TSNARE1: variants seen among roughly 807,000 people sequenced by gnomAD.
TSNARE1 encodes t-SNARE domain containing 1, also known as t-SNARE domain-containing protein 1.
A neutral mutation model predicts 62.0 loss-of-function variants in TSNARE1; 49 were observed. The ratio of observed to expected loss-of-function variants is 0.79; its 90% CI spans 0.63 to 1.00. TSNARE1 has a LOEUF of 1.00. TSNARE1 is among the 50% of genes least tolerant of loss of function. The pLI is 0.00. For missense variants in TSNARE1, 755 were observed against 700.1 expected, an observed-to-expected ratio of 1.08 and a Z score of -0.88; for synonymous variants, 328 against 294.4, an observed-to-expected ratio of 1.11 and a Z score of -1.17.
At position 142,220,285 on chromosome 8, in the gene TSNARE1, C is replaced by T. The variant is rs115210653; in HGVS notation, c.*12-7972G>A. 9.4e-3 allele frequency among the ~76,000 whole-genome samples: 1,428 copies of T among 152,260 alleles called. 22 individuals carry two copies. Among genetic ancestry groups the T allele is most frequent in the African/African-American group, 0.032 (1,323 of 41,546 alleles). Reference sequence around the variant, plus strand: ...AAACTGAGGCTCAGAGAGGGGAAGCCCCATGCAGAGGCCCCACGGTGAGGA... The same window carrying T: ...AAACTGAGGCTCAGAGAGGGGAAGCTCCATGCAGAGGCCCCACGGTGAGGA... On this transcript the variant is annotated intron_variant, in intron 13 of 13. Coordinates refer to ENST00000524325, the MANE Select transcript of TSNARE1 (RefSeq NM_145003.5).
chr8:142,318,511 C>A, intron 7 of TSNARE1, 33 bp downstream of exon 7: 2 of 1,598,382 alleles, frequency 1.3e-6, no homozygotes, highest in South Asian at 1.1e-5. Flanking sequence ...CCATTCCTCT[C>A]CTCCCTCCCA....
chr8:142,315,153 C>T, intron 7 of TSNARE1, 61 bp from the exon 8 acceptor site: 2 of 1,538,732 alleles, frequency 1.3e-6, no homozygotes. Context: ...GCAGCCCCCA[C>T]CACCCACACC....
At chr8:142,360,739 C>T (rs1835092780) in intron 1 of TSNARE1, among the ~76,000 whole-genome samples, 1 of 152,136 alleles carries the variant, frequency 6.6e-6, no homozygotes, top group South Asian at 2.1e-4. Flanking sequence ...CGTGCCACCA[C>T]CCTGGCAACT....
intron 10 of TSNARE1, among the ~76,000 whole-genome samples, chr8:142,287,837 G>C (rs541490284): frequency 6.7e-6 from 1 of 150,232 alleles, no homozygotes; most frequent in Non-Finnish European, 1.5e-5. Context: ...CCAGATCTCA[G>C]GGACAGTGGG....
intron 1 of TSNARE1, among the ~76,000 whole-genome samples, chr8:142,363,117 T>C (rs1416467954): frequency 6.6e-6 from 1 of 152,068 alleles, no homozygotes; most frequent in African/African-American, 2.4e-5. Context: ...TTCTGTCATC[T>C]CCCCACGTGG....
intron 12 of TSNARE1, chr8:142,269,541 C>G (rs1468682536): frequency 1.0e-6 from 1 of 983,358 alleles, no homozygotes; most frequent in Non-Finnish European, 1.2e-6. Flanking sequence ...GCTGTCCAGG[C>G]TGGTCTCGAA....
At chr8:142,334,276 C>G (rs915324342) in intron 4 of TSNARE1, among the ~76,000 whole-genome samples, 1 of 152,248 alleles carries the variant, frequency 6.6e-6, no homozygotes, top group African/African-American at 2.4e-5. Context: ...TCTGAGCCTA[C>G]TCTGGTTCGG....
intron 11 of TSNARE1, among the ~76,000 whole-genome samples, chr8:142,282,926 G>A (rs1821870063): frequency 6.7e-6 from 1 of 148,514 alleles, no homozygotes; most frequent in African/African-American, 2.5e-5. Flanking sequence ...AATGAGCGGA[G>A]GTGGGGCCAC....
intron 7 of TSNARE1, 72 bp from the exon 8 acceptor site, chr8:142,315,164 T>C: frequency 6.7e-7 from 1 of 1,484,434 alleles, no homozygotes; most frequent in African/African-American, 1.4e-5. Flanking sequence ...CACCCACACC[T>C]CCTCCCGTAC....
At chr8:142,328,214 C>G (rs911776975) in intron 6 of TSNARE1, among the ~76,000 whole-genome samples, 2 of 151,710 alleles carry the variant, frequency 1.3e-5, no homozygotes, top group African/African-American at 2.4e-5. Context: ...ATACTAATAA[C>G]TCTTTGTTAA....
In TSNARE1 at chr8:142,344,062, G is replaced by T. The variant is rs1373726643; in HGVS notation, c.649C>A (p.Gln217Lys). The change falls in exon 4 of 14, where the codon CAG becomes AAG. Residue 217 changes from glutamine (Q) to lysine (K), a missense_variant. Physicochemically the swap from Gln to Lys is moderately conservative, Grantham distance 53. Transcript: ENST00000524325. ...HGPSPGSGKP[Q>K]ALALTPVEQV... The stretch of plus-strand genomic sequence containing the variant: ...TCCACGGGCGTGAGAGCCAGGGCCT[G>T]GGGCTTGCCGGAACCAGGGCTGGGG... 1 of 1,601,946 alleles carries T rather than the reference G, an allele frequency of 6.2e-7. No homozygotes were observed. The highest frequency in any genetic ancestry group is 8.5e-7 in the Non-Finnish European group (1 of 1,172,712).
intron 6 of TSNARE1, among the ~76,000 whole-genome samples, chr8:142,322,955 G>A (rs1426517776): frequency 1.1e-4 from 17 of 151,814 alleles, no homozygotes; most frequent in Non-Finnish European, 1.5e-5. Context: ...CCGTGTCCGT[G>A]GGTTGGACAA....
chr8:142,362,588 G>A (rs554395669), intron 1 of TSNARE1, among the ~76,000 whole-genome samples: 7 of 152,102 alleles, frequency 4.6e-5, no homozygotes, highest in Admixed American at 2.0e-4. Context: ...ACACTAGGCC[G>A]AGATCAAGTG....
At chr8:142,388,746 C>T (rs993276382) in intron 1 of TSNARE1, among the ~76,000 whole-genome samples, 4 of 151,730 alleles carry the variant, frequency 2.6e-5, no homozygotes, top group Non-Finnish European at 4.4e-5. Flanking sequence ...TTAGTAGAGA[C>T]GGGGTTTTGC....
At chr8:142,251,913 C>T (rs1477178106) in intron 12 of TSNARE1, among the ~76,000 whole-genome samples, 6 of 144,422 alleles carry the variant, frequency 4.2e-5, no homozygotes, top group African/African-American at 5.2e-5. Flanking sequence ...CTGCCGCCCG[C>T]GTTCTCTGTC....
At chr8:142,307,094 G>C (rs1826819896) in intron 9 of TSNARE1, among the ~76,000 whole-genome samples, 1 of 152,228 alleles carries the variant, frequency 6.6e-6, no homozygotes, top group Non-Finnish European at 1.5e-5. Flanking sequence ...CTTGGACTCA[G>C]CGTTATGTCC....
chr8:142,299,690 G>A (rs1324146852), intron 10 of TSNARE1, among the ~76,000 whole-genome samples: 1 of 151,786 alleles, frequency 6.6e-6, no homozygotes, highest in African/African-American at 2.4e-5. Context: ...TGCATCACAC[G>A]CATGCACACA....
chr8:142,351,731 G>A (rs1358168283), intron 2 of TSNARE1, among the ~76,000 whole-genome samples: 1 of 152,154 alleles, frequency 6.6e-6, no homozygotes, highest in Non-Finnish European at 1.5e-5. Flanking sequence ...TAGAAATTAA[G>A]GTGGATTTTG....
At chr8:142,338,803 G>A (rs1051049032) in intron 4 of TSNARE1, among the ~76,000 whole-genome samples, 3 of 152,174 alleles carry the variant, frequency 2.0e-5, no homozygotes, top group South Asian at 2.1e-4. Flanking sequence ...TGCTAACCCC[G>A]TCCCACGGCT....
Sources: allele counts gnomAD v4.1 joint callset (sites outside exome capture counted in the v4.1 genomes callset), GRCh38; gene constraint gnomAD v4.1.1; transcripts MANE v1.5; gene names NCBI Gene and HGNC (gene_info 2026-07-23, HGNC 2026-07-21).